HERC1: variants seen among roughly 807,000 people sequenced by gnomAD.
The protein encoded by HERC1 is HECT and RLD domain containing E3 ubiquitin protein ligase family member 1.
Under a neutral mutation model 554.3 loss-of-function variants are expected in HERC1, and 160 were observed. That is an observed-to-expected ratio of 0.29 (90% CI 0.25 to 0.33). The LOEUF (loss-of-function observed/expected upper bound fraction) is 0.33. HERC1 is among the 10% of genes least tolerant of loss of function. The pLI is 1.00. For synonymous variants in HERC1, 2,175 were observed against 2,131.7 expected (o/e 1.02, Z -0.56); for missense variants, 4,919 against 5,918.5 (o/e 0.83, Z 5.54).
At chr15:63,653,084 T>A (rs2069790274) in intron 51 of HERC1, among the ~76,000 whole-genome samples, 1 of 152,240 alleles carries the variant, frequency 6.6e-6, no homozygotes. Context: ...GTTTACTTAA[T>A]AAGTACTTTA....
intron 1 of HERC1, among the ~76,000 whole-genome samples, chr15:63,813,342 AC>A (rs1337817365): frequency 2.6e-5 from 4 of 151,848 alleles, no homozygotes; most frequent in Admixed American, 2.6e-4. Context: ...ACACACACAC[AC>A]ACACACAAAC....
chr15:63,721,838 T>C (rs1567051945), intron 19 of HERC1, among the ~76,000 whole-genome samples: 1 of 152,150 alleles, frequency 6.6e-6, no homozygotes, highest in Non-Finnish European at 1.5e-5. Context: ...TGAAAATATG[T>C]ACATAAAATT....
At chr15:63,688,000 G>C (rs1031748535) in intron 33 of HERC1, among the ~76,000 whole-genome samples, 1 of 152,220 alleles carries the variant, frequency 6.6e-6, no homozygotes, top group African/African-American at 2.4e-5. Flanking sequence ...AGAATGACGA[G>C]AAACCATTGG....
chr15:63,691,790 G>C (rs1425372904), intron 31 of HERC1, among the ~76,000 whole-genome samples: 1 of 152,144 alleles, frequency 6.6e-6, no homozygotes, highest in Non-Finnish European at 1.5e-5. Flanking sequence ...TCTGGAAATG[G>C]ATGGCAGTGA....
chr15:63,651,134 T>C, intron 53 of HERC1, 119 bp downstream of exon 53: 2 of 842,426 alleles, frequency 2.4e-6, no homozygotes, highest in Admixed American at 2.8e-5. Context: ...AATTTCAGAG[T>C]TGTTGGAAGG....
chr15:63,633,746 C>T (rs2068665045), intron 67 of HERC1, 102 bp downstream of exon 67: 1 of 1,258,754 alleles, frequency 7.9e-7, no homozygotes, highest in South Asian at 1.6e-5. Context: ...TTATGAACTA[C>T]CAAAAGTACT....
intron 33 of HERC1, among the ~76,000 whole-genome samples, chr15:63,689,315 A>G (rs1159967160): frequency 6.6e-6 from 1 of 152,232 alleles, no homozygotes; most frequent in African/African-American, 2.4e-5. Context: ...TGGCTGAAAC[A>G]TGCAGATTAC....
intron 25 of HERC1, among the ~76,000 whole-genome samples, chr15:63,700,056 T>C (rs1392550876): frequency 6.6e-6 from 1 of 152,168 alleles, no homozygotes; most frequent in Non-Finnish European, 1.5e-5. Context: ...CTCCAGCCCA[T>C]CTCTTGCTAC....
chr15:63,811,782 C>G (rs2145319536), intron 1 of HERC1, among the ~76,000 whole-genome samples: 1 of 141,272 alleles, frequency 7.1e-6, no homozygotes, highest in East Asian at 2.1e-4. Flanking sequence ...GTACTCCAGC[C>G]TGGGCGACTC....
rs2072172688 is a variant in HERC1, at chr15:63,692,630, T to C, written c.5675-64A>G. Reference sequence around the variant, plus strand: ...CAACAAGAAATAGTCTTATATCACATAATTTACCTTGAAACTGCAGTAAGC... The same window carrying C: ...CAACAAGAAATAGTCTTATATCACACAATTTACCTTGAAACTGCAGTAAGC... On this transcript the variant is annotated intron_variant, in intron 30 of 77. Transcript: ENST00000443617. The surrounding 1 kb of genome is among the most constrained non-coding windows in gnomAD (Gnocchi z 4.7). 1.5e-6 allele frequency: 2 copies of C among 1,377,004 alleles called. No individual in the cohort carries two copies. Among genetic ancestry groups the C allele is most frequent in the African/African-American group, 1.5e-5 (1 of 68,594 alleles). The allele number at this position is 1,377,004 out of a possible 1,614,324, so 85.3% of individuals were successfully genotyped here.
At chr15:63,760,210 C>CT (rs979452804) in intron 3 of HERC1, among the ~76,000 whole-genome samples, 7 of 151,534 alleles carry the variant, frequency 4.6e-5, no homozygotes, top group Non-Finnish European at 7.4e-5. Flanking sequence ...TGGAAAACGA[C>CT]TTTTTTTTAA....
intron 1 of HERC1, among the ~76,000 whole-genome samples, chr15:63,794,292 C>T (rs758914735): frequency 3.3e-5 from 5 of 152,168 alleles, no homozygotes; most frequent in African/African-American, 4.8e-5. Flanking sequence ...TTCTTTCTTG[C>T]GTGAGATCCA....
chr15:63,825,107 G>C (rs144621797), intron 1 of HERC1, among the ~76,000 whole-genome samples: 1 of 152,082 alleles, frequency 6.6e-6, no homozygotes, highest in African/African-American at 2.4e-5. Context: ...CCGGGAGTTC[G>C]AGAGCAGTCT....
rs200243610 is a variant in HERC1 at position 63,658,704 on chromosome 15, C to T, written c.9439G>A (p.Val3147Ile). The T allele has an allele frequency of 1.4e-4, 228 of 1,611,294 alleles. 1 individual carries two copies. In the African/African-American group the frequency reaches 1.7e-3, roughly 12 times the overall value. ...ATTCTCCCAGAGGAGCTCTTTTCTA[C>T]GGAGCCATGGCAACCTGAAAAACAT... ...TLMQIGCHGSVEKSSSGRITL... is the reference protein window; with the variant it reads ...TLMQIGCHGSIEKSSSGRITL... The change falls in exon 48 of 78, where the codon GTA (valine) becomes ATA (isoleucine). Residue 3147 changes from valine (V) to isoleucine (I), a missense_variant. This residue lies in a region of HERC1 where 1,963 missense variants were observed against 2,228.6 expected (regional missense o/e 0.88). Transcript: ENST00000443617.
chr15:63,701,045 T>C (rs1432964619), intron 25 of HERC1, among the ~76,000 whole-genome samples: 1 of 151,930 alleles, frequency 6.6e-6, no homozygotes, highest in Non-Finnish European at 1.5e-5. Context: ...TTTTTTTAAA[T>C]ATTAAAATTT....
At chr15:63,794,734 A>G (rs2076759059) in intron 1 of HERC1, among the ~76,000 whole-genome samples, 1 of 152,136 alleles carries the variant, frequency 6.6e-6, no homozygotes, top group Non-Finnish European at 1.5e-5. Context: ...TAGAACAGCT[A>G]AGATCCCTAC....
intron 19 of HERC1, among the ~76,000 whole-genome samples, chr15:63,720,103 CTTTTTTTTTTTTTTT>C (rs2073751392): frequency 1.4e-5 from 1 of 71,608 alleles, no homozygotes; most frequent in African/African-American, 6.0e-5. Flanking sequence ...TTTTTCTTCC[CTTTTTTTTTTTTTTT>C]AAGAGACAGG....
intron 74 of HERC1, among the ~76,000 whole-genome samples, chr15:63,618,310 T>C (rs944437228): frequency 3.9e-5 from 6 of 152,214 alleles, no homozygotes; most frequent in African/African-American, 1.2e-4. Flanking sequence ...ATCAGATAGT[T>C]GTAGATATGC....
chr15:63,712,626 T>C (rs543454781), intron 24 of HERC1, 149 bp downstream of exon 24: 12 of 586,272 alleles, frequency 2.0e-5, no homozygotes, highest in East Asian at 8.9e-5. Flanking sequence ...GTGGTAAACA[T>C]ATATGCAATA....
Sources: allele counts gnomAD v4.1 joint callset (sites outside exome capture counted in the v4.1 genomes callset), GRCh38; gene constraint gnomAD v4.1.1; regional missense constraint gnomAD v4.1.1; non-coding constraint Gnocchi (gnomAD v3.1); transcripts MANE v1.5; gene names NCBI Gene and HGNC (gene_info 2026-07-23, HGNC 2026-07-21).